The following LRP1B variants were observed in gnomAD, a reference collection of about 807,000 sequenced individuals.
LRP1B encodes LDL receptor related protein 1B.
Under a neutral mutation model 556.6 loss-of-function variants are expected in LRP1B, and 217 were observed. The observed-to-expected ratio is 0.39, with a 90% CI of 0.35 to 0.44. The LOEUF is 0.44. LRP1B is among the 20% of genes least tolerant of loss of function. The pLI, the probability that LRP1B is intolerant of heterozygous loss-of-function variation, is 1.00. For missense variants in LRP1B, 5,053 were observed against 5,620.8 expected, an observed-to-expected ratio of 0.90 and a Z score of 3.23; for synonymous variants, 2,047 against 1,865.8, an observed-to-expected ratio of 1.10 and a Z score of -2.50.
intron 41 of LRP1B, among the ~76,000 whole-genome samples, chr2:140,654,716 T>C (rs1684815626): frequency 6.6e-6 from 1 of 152,174 alleles, no homozygotes; most frequent in South Asian, 2.1e-4. Flanking sequence ...TTTGGCCATA[T>C]GTTTAAGAGA....
chr2:141,674,796 G>A (rs961922880), intron 2 of LRP1B, among the ~76,000 whole-genome samples: 6 of 151,982 alleles, frequency 3.9e-5, no homozygotes, highest in Non-Finnish European at 7.4e-5. Context: ...TCACTGCATT[G>A]CAACGGGTAG....
chr2:141,005,281 T>C (rs942241546), intron 15 of LRP1B, 54 bp downstream of exon 15: 4 of 1,583,816 alleles, frequency 2.5e-6, no homozygotes, highest in African/African-American at 2.7e-5. Flanking sequence ...CTTCTGCTTC[T>C]AGTCTTCAGA....
At chr2:141,933,501 T>G (rs542434281) in intron 1 of LRP1B, among the ~76,000 whole-genome samples, 2 of 152,212 alleles carry the variant, frequency 1.3e-5, no homozygotes, top group African/African-American at 4.8e-5. Context: ...GGAAACCACT[T>G]GACTCTCCCC....
chr2:140,957,910 G>A (rs1186666076), intron 18 of LRP1B, among the ~76,000 whole-genome samples: 1 of 151,564 alleles, frequency 6.6e-6, no homozygotes, highest in African/African-American at 2.4e-5. Flanking sequence ...AGCCTAGACT[G>A]TGAGAGGGGA....
chr2:141,624,527 A>G (rs1171093935), intron 2 of LRP1B, among the ~76,000 whole-genome samples: 2 of 152,170 alleles, frequency 1.3e-5, no homozygotes, highest in Non-Finnish European at 2.9e-5. Flanking sequence ...AATATTAAAA[A>G]TACAGCTGGC....
At chr2:141,609,996 C>CA (rs1319403199) in intron 2 of LRP1B, among the ~76,000 whole-genome samples, 1 of 152,056 alleles carries the variant, frequency 6.6e-6, no homozygotes, top group Admixed American at 6.6e-5. Context: ...ATTTGTACAC[C>CA]AGGGATATTT....
chr2:141,434,609 T>C (rs1680686100), intron 3 of LRP1B, among the ~76,000 whole-genome samples: 1 of 152,182 alleles, frequency 6.6e-6, no homozygotes, highest in Non-Finnish European at 1.5e-5. Flanking sequence ...GCAGTTTTTG[T>C]TGCCTGATAA....
At chr2:141,833,828 T>C (rs965412977) in intron 1 of LRP1B, among the ~76,000 whole-genome samples, 39 of 146,730 alleles carry the variant, frequency 2.7e-4, no homozygotes, top group African/African-American at 1.0e-3. Flanking sequence ...CTTCCTTTCT[T>C]TCAAGGGTAG....
In LRP1B at chr2:142,009,558, G is replaced by A. The variant is rs367581271; in HGVS notation, c.82+121090C>T. On this transcript the variant is annotated intron_variant, in intron 1 of 90. Coordinates refer to ENST00000389484, the MANE Select transcript of LRP1B (RefSeq NM_018557.3). ...CCTCTCACTCAATTCTGTTGTTTCT[G>A]CAAAACTTCACTTCTAAAAAGAGTG... Among the ~76,000 whole-genome samples the A allele has an allele frequency of 8.6e-5, 13 of 151,938 alleles. No individual in the cohort carries two copies. In the South Asian group the frequency reaches 2.8e-3, roughly 32 times the overall value.
intron 66 of LRP1B, among the ~76,000 whole-genome samples, chr2:140,409,737 G>A (rs1684892637): frequency 6.6e-6 from 1 of 151,850 alleles, no homozygotes; most frequent in Non-Finnish European, 1.5e-5. Flanking sequence ...GAAGCCCAAG[G>A]TACCATAAAT....
intron 1 of LRP1B, among the ~76,000 whole-genome samples, chr2:142,115,153 T>C (rs1029915434): frequency 5.3e-5 from 8 of 151,962 alleles, no homozygotes; most frequent in Non-Finnish European, 1.2e-4. Context: ...AACCTTATGA[T>C]ACTTAAGAGA....
chr2:140,353,974 A>G (rs1682093900), intron 75 of LRP1B, among the ~76,000 whole-genome samples: 2 of 152,070 alleles, frequency 1.3e-5, no homozygotes, highest in Non-Finnish European at 2.9e-5. Context: ...ACTAGCATAA[A>G]TAAATAAATC....
intron 3 of LRP1B, among the ~76,000 whole-genome samples, chr2:141,265,419 G>T (rs532777093): frequency 6.6e-6 from 1 of 152,294 alleles, no homozygotes; most frequent in Admixed American, 6.5e-5. Flanking sequence ...AGGCACCCCA[G>T]TGGAGGCCCT....
At chr2:141,219,855 C>G (rs1021970338) in intron 6 of LRP1B, among the ~76,000 whole-genome samples, 3 of 151,972 alleles carry the variant, frequency 2.0e-5, no homozygotes, top group African/African-American at 7.3e-5. Context: ...GAAGATGGGC[C>G]TGATTGCCAA....
chr2:140,498,779 G>A (rs1689055253), intron 55 of LRP1B, among the ~76,000 whole-genome samples: 1 of 151,692 alleles, frequency 6.6e-6, no homozygotes, highest in Non-Finnish European at 1.5e-5. Flanking sequence ...ATATATTTGT[G>A]TGCATAATAT....
chr2:140,702,119 T>C (rs758469618), intron 39 of LRP1B, 22 bp downstream of exon 39: 1 of 1,609,860 alleles, frequency 6.2e-7, no homozygotes, highest in Non-Finnish European at 8.5e-7. Flanking sequence ...GAGACTCAAA[T>C]ACTTATGAAA....
chr2:141,503,394 A>T (rs1372809633), intron 2 of LRP1B, among the ~76,000 whole-genome samples: 1 of 151,608 alleles, frequency 6.6e-6, no homozygotes, highest in African/African-American at 2.4e-5. Context: ...CTTATTTCCA[A>T]CAGTTTCCAA....
At chr2:142,049,255 G>T (rs1704363646) in intron 1 of LRP1B, among the ~76,000 whole-genome samples, 1 of 152,052 alleles carries the variant, frequency 6.6e-6, no homozygotes, top group African/African-American at 2.4e-5. Flanking sequence ...TATATGCAAT[G>T]CATGAAGTTT....
rs2104951961 is a variant in LRP1B at position 140,274,468 on chromosome 2, C to A, written c.13098G>T (p.Gly4366=). 6.2e-7 allele frequency: 1 copy of A among 1,612,674 alleles called. No homozygotes were observed. The change falls in exon 85 of 91, where the codon GGG becomes GGT. Residue 4366 remains glycine, a synonymous_variant. Transcript: ENST00000389484. The part of the protein sequence containing the change: ...CEVDKCVRCH[G]GHCIINKDSE... ...TGTCTTTATTTATAATGCAGTGCCC[C>A]CCATGGCACCTTACACACTTGTCAA... is the stretch of plus-strand genomic sequence containing the variant.
Sources: gnomAD v4.1 joint callset for allele counts (sites outside exome capture counted in the v4.1 genomes callset) on GRCh38, gnomAD v4.1.1 for gene constraint, MANE v1.5 for transcripts, NCBI Gene and HGNC (gene_info 2026-07-23, HGNC 2026-07-21) for gene names.